DOCK3: variants seen among roughly 807,000 people sequenced by gnomAD.
DOCK3 encodes the protein dedicator of cytokinesis 3, also known as dedicator of cytokinesis protein 3.
In DOCK3, 60 loss-of-function variants were observed where a neutral mutation model predicts 265.6. The observed-to-expected ratio is 0.23, with a 90% CI of 0.18 to 0.28. The LOEUF is 0.28. Among genes scored for constraint, DOCK3 ranks in the 10% least tolerant of loss-of-function variants. The pLI, the probability that DOCK3 is intolerant of heterozygous loss-of-function variation, is 1.00. For synonymous variants in DOCK3, 881 were observed against 938.0 expected (o/e 0.94, Z 1.11); for missense variants, 1,981 against 2,594.3 (o/e 0.76, Z 5.14).
chr3:51,090,540 G>A (rs2082599613), intron 9 of DOCK3, among the ~76,000 whole-genome samples, 156 bp downstream of exon 9: 1 of 152,116 alleles, frequency 6.6e-6, no homozygotes, highest in Non-Finnish European at 1.5e-5. Flanking sequence ...AATTCCCTGT[G>A]TGCCCTTAAG....
chr3:51,271,430 A>G (rs1206734991), intron 24 of DOCK3, among the ~76,000 whole-genome samples: 1 of 152,144 alleles, frequency 6.6e-6, no homozygotes, highest in Non-Finnish European at 1.5e-5. Flanking sequence ...GTTCTCACAT[A>G]GCAGAAGGGG....
At chr3:51,344,019 G>T (rs1024541947) in intron 38 of DOCK3, among the ~76,000 whole-genome samples, 3 of 152,188 alleles carry the variant, frequency 2.0e-5, no homozygotes, top group Non-Finnish European at 4.4e-5. Context: ...GTGATGTGAA[G>T]ATCAGAGCTG....
At chr3:50,913,456 G>A (rs1367782951) in intron 4 of DOCK3, among the ~76,000 whole-genome samples, 4 of 152,060 alleles carry the variant, frequency 2.6e-5, no homozygotes, top group African/African-American at 4.8e-5. Flanking sequence ...AGTTGCTTTG[G>A]CTCTTGTCCC....
chr3:50,976,098 T>G (rs1297135215), intron 5 of DOCK3, among the ~76,000 whole-genome samples: 2 of 150,428 alleles, frequency 1.3e-5, no homozygotes. Context: ...AACCAGCTCC[T>G]GGATTCATTA....
At chr3:51,247,835 C>A (rs908485824) in intron 22 of DOCK3, among the ~76,000 whole-genome samples, 1 of 152,138 alleles carries the variant, frequency 6.6e-6, no homozygotes, top group Non-Finnish European at 1.5e-5. Flanking sequence ...AAGTGTAGGG[C>A]AGGGTGCTGA....
chr3:50,753,715 G>A (rs1576337664), intron 1 of DOCK3, among the ~76,000 whole-genome samples: 1 of 152,086 alleles, frequency 6.6e-6, no homozygotes, highest in East Asian at 1.9e-4. Flanking sequence ...GGCATTTATG[G>A]GAATCTATTA....
intron 4 of DOCK3, among the ~76,000 whole-genome samples, chr3:50,908,197 C>CTTTTTTT (rs550837883): frequency 1.7e-5 from 2 of 114,430 alleles, no homozygotes; most frequent in Non-Finnish European, 3.5e-5. Context: ...TTTTGAAGGG[C>CTTTTTTT]TTTTTTTTTT....
At chr3:50,851,109 G>A (rs1215398877) in intron 3 of DOCK3, among the ~76,000 whole-genome samples, 1 of 152,230 alleles carries the variant, frequency 6.6e-6, no homozygotes, top group East Asian at 1.9e-4. Context: ...GTGCCTAGGT[G>A]TGGAGATGGG....
At chr3:50,758,542 C>T (rs866363640) in intron 1 of DOCK3, among the ~76,000 whole-genome samples, 1 of 152,102 alleles carries the variant, frequency 6.6e-6, no homozygotes, top group African/African-American at 2.4e-5. Context: ...GCGCCGATCT[C>T]GTCTGAAAGT....
chr3:50,840,065 C>A (rs2045742759), intron 2 of DOCK3, among the ~76,000 whole-genome samples: 1 of 151,892 alleles, frequency 6.6e-6, no homozygotes, highest in Non-Finnish European at 1.5e-5. Context: ...CTGTGCCTGG[C>A]CGGGCTGTTT....
In DOCK3 at chr3:50,702,428, A is replaced by G. The variant is rs187696595; in HGVS notation, c.37+27128A>G. Among the ~76,000 whole-genome samples, 432 of 152,204 alleles carry G rather than the reference A, an allele frequency of 2.8e-3. 2 individuals are homozygous for G. The highest frequency in any genetic ancestry group is 2.5e-3 in the Non-Finnish European group (169 of 68,012). ...ACCCAGGCTGGAGTGCAGTGGCGCA[A>G]TCTCGGCACACTGCAACCTCCGCCT... On this transcript the variant is annotated intron_variant, in intron 1 of 52. Transcript: ENST00000266037.
intron 3 of DOCK3, among the ~76,000 whole-genome samples, chr3:50,872,834 C>T (rs548041382): frequency 3.3e-5 from 5 of 152,332 alleles, no homozygotes; most frequent in East Asian, 1.9e-4. Flanking sequence ...CACAGGCCCA[C>T]GGGGCCTACT....
At chr3:51,059,374 T>C (rs867652914) in intron 5 of DOCK3, among the ~76,000 whole-genome samples, 3 of 151,662 alleles carry the variant, frequency 2.0e-5, no homozygotes, top group African/African-American at 7.3e-5. Flanking sequence ...ATGCAGACAT[T>C]TGGACCATAG....
At chr3:50,685,022 G>GT (rs71080601) in intron 1 of DOCK3, among the ~76,000 whole-genome samples, 66 of 147,842 alleles carry the variant, frequency 4.5e-4, no homozygotes, top group East Asian at 1.6e-3. Context: ...TATCTTTTTA[G>GT]TTTTTTTTTT....
At chr3:51,176,177 G>A (rs746710152) in intron 12 of DOCK3, among the ~76,000 whole-genome samples, 1 of 152,214 alleles carries the variant, frequency 6.6e-6, no homozygotes, top group Non-Finnish European at 1.5e-5. Context: ...GCAGGAGTGA[G>A]AAATTAACAA....
chr3:51,025,933 A>G (rs1171392286), intron 5 of DOCK3, among the ~76,000 whole-genome samples: 1 of 151,876 alleles, frequency 6.6e-6, no homozygotes, highest in Non-Finnish European at 1.5e-5. Context: ...CCCTTCTCAC[A>G]CTCTGAGAAC....
intron 1 of DOCK3, among the ~76,000 whole-genome samples, chr3:50,732,289 A>G (rs1324524337): frequency 1.3e-5 from 2 of 152,094 alleles, no homozygotes; most frequent in African/African-American, 2.4e-5. Context: ...AGTATTAGGA[A>G]AAATAGCTAA....
intron 1 of DOCK3, among the ~76,000 whole-genome samples, chr3:50,691,801 C>T (rs2035262615): frequency 6.6e-6 from 1 of 152,056 alleles, no homozygotes; most frequent in African/African-American, 2.4e-5. Flanking sequence ...TTTGTATTTC[C>T]CTAATGATTA....
intron 2 of DOCK3, among the ~76,000 whole-genome samples, chr3:50,795,438 G>A (rs1352441313): frequency 3.3e-5 from 5 of 151,968 alleles, no homozygotes; most frequent in African/African-American, 7.3e-5. Context: ...CTGGAGTGCC[G>A]TGGCATGATC....
Sources: allele counts gnomAD v4.1 joint callset (sites outside exome capture counted in the v4.1 genomes callset), GRCh38; gene constraint gnomAD v4.1.1; transcripts MANE v1.5; gene names NCBI Gene and HGNC (gene_info 2026-07-23, HGNC 2026-07-21).